Variants in ATP2B4 observed in about 807,000 individuals in gnomAD.
ATP2B4 encodes ATPase plasma membrane Ca2+ transporting 4, also known as plasma membrane calcium-transporting ATPase 4.
In ATP2B4, 39 loss-of-function variants were observed where a neutral mutation model predicts 110.3. The ratio of observed to expected loss-of-function variants is 0.35; its 90% CI spans 0.27 to 0.46. The LOEUF is 0.46. ATP2B4 is among the 20% of genes least tolerant of loss of function. ATP2B4 has a pLI of 1.00. For missense variants in ATP2B4, 1,135 were observed against 1,530.9 expected (o/e 0.74, Z 4.32); for synonymous variants, 538 against 571.7 (o/e 0.94, Z 0.84).
rs571641772 is a variant in ATP2B4 at position 203,675,000 on chromosome 1, C to T, written c.-464-7742C>T. Among the ~76,000 whole-genome samples, 30 of 152,302 alleles carry T rather than the reference C, an allele frequency of 2.0e-4. No individual in the cohort carries two copies. The East Asian group carries it at 4.2e-3, about 22-fold the overall frequency. ...CTGGGATTACAGGCATGAGCCACTG[C>T]GCCTGGCCTCATCTTAATAATACTG... On this transcript the variant is annotated intron_variant, in intron 1 of 20. Transcript: ENST00000357681.
At chr1:203,657,444 A>G (rs1664195615) in intron 1 of ATP2B4, 5 of 783,744 alleles carry the variant, frequency 6.4e-6, no homozygotes. Flanking sequence ...ATTGGAAAGT[A>G]CTTTGGCTCG....
chr1:203,690,706 T>A (rs1172608493), intron 2 of ATP2B4, among the ~76,000 whole-genome samples: 1 of 152,174 alleles, frequency 6.6e-6, no homozygotes, highest in East Asian at 1.9e-4. Context: ...GTAGCCATCA[T>A]CTCTTGCCCC....
At chr1:203,652,578 G>A (rs1378123189) in intron 1 of ATP2B4, among the ~76,000 whole-genome samples, 9 of 152,084 alleles carry the variant, frequency 5.9e-5, no homozygotes, top group Admixed American at 5.9e-4. Context: ...ACCCTGTGTT[G>A]AGCAAGTCTG....
intron 19 of ATP2B4, among the ~76,000 whole-genome samples, chr1:203,724,546 G>T (rs1666446172): frequency 6.6e-6 from 1 of 151,616 alleles, no homozygotes; most frequent in South Asian, 2.1e-4. Context: ...AAATCCCTTA[G>T]CTTCTCTGAG....
At chr1:203,680,433 C>A (rs1472404810) in intron 1 of ATP2B4, among the ~76,000 whole-genome samples, 1 of 152,028 alleles carries the variant, frequency 6.6e-6, no homozygotes, top group Non-Finnish European at 1.5e-5. Context: ...CACGGTGAAA[C>A]CCCGTCTCCA....
At chr1:203,643,114 C>T (rs1663682072) in intron 1 of ATP2B4, among the ~76,000 whole-genome samples, 1 of 152,194 alleles carries the variant, frequency 6.6e-6, no homozygotes, top group African/African-American at 2.4e-5. Flanking sequence ...CATCAAAGGG[C>T]ATGCAGGGGC....
chr1:203,738,220 C>T (rs961564604), intron 20 of ATP2B4, among the ~76,000 whole-genome samples: 4 of 151,940 alleles, frequency 2.6e-5, no homozygotes, highest in East Asian at 3.9e-4. Flanking sequence ...CAACTAGAAC[C>T]GTCCTACAAC....
At position 203,640,698 on chromosome 1, in the gene ATP2B4, G is replaced by A. The variant is rs115220607; in HGVS notation, c.-465+13479G>A. Among the ~76,000 whole-genome samples, 634 of 152,298 alleles carry A rather than the reference G, an allele frequency of 4.2e-3. 2 individuals carry two copies. Among genetic ancestry groups the A allele is most frequent in the Non-Finnish European group, 6.7e-3 (456 of 68,020 alleles). On this transcript the variant is annotated intron_variant, in intron 1 of 20. Coordinates refer to ENST00000357681, the MANE Select transcript of ATP2B4 (RefSeq NM_001684.5). ...CTAACATTTATTATTTATGTGATAG[G>A]TATTAAACTTGAATCATCTCATTTA...
intron 1 of ATP2B4, among the ~76,000 whole-genome samples, chr1:203,635,701 A>G (rs1164788801): frequency 1.3e-5 from 2 of 152,052 alleles, no homozygotes; most frequent in African/African-American, 4.8e-5. Context: ...TTATTGTGCT[A>G]TTTTTTTCAA....
chr1:203,674,483 A>AT (rs34888124), intron 1 of ATP2B4, among the ~76,000 whole-genome samples: 60,248 of 150,994 alleles, frequency 0.4, 13,810 homozygotes, highest in Non-Finnish European at 0.52. Flanking sequence ...CATCTTGATA[A>AT]TTTTTTTTGA....
At chr1:203,659,735 C>T (rs539450261) in intron 1 of ATP2B4, among the ~76,000 whole-genome samples, 4 of 152,128 alleles carry the variant, frequency 2.6e-5, no homozygotes, top group South Asian at 2.1e-4. Context: ...GAGGCTGAAG[C>T]GGGAAGATTG....
chr1:203,683,308 C>T lies in ATP2B4; in HGVS notation c.103C>T (p.Leu35=). The T allele has an allele frequency of 1.9e-6, 3 of 1,614,188 alleles. No homozygotes were observed. Among genetic ancestry groups the T allele is most frequent in the Non-Finnish European group, 1.7e-6 (2 of 1,180,042 alleles). ...AATGGAACTGAGGAAGCTCATGGAG[C>T]TGCGTTCAAGGGATGCACTGACCCA... is the stretch of plus-strand genomic sequence containing the variant. ...TVMELRKLME[L]RSRDALTQIN... Residue 35 remains leucine, a synonymous_variant, in exon 2 of 21, where the codon CTG becomes TTG. Coordinates refer to ENST00000357681, the MANE Select transcript of ATP2B4 (RefSeq NM_001684.5).
chr1:203,707,909 G>A lies in ATP2B4; in HGVS notation c.1362G>A (p.Glu454=). 1.2e-6 allele frequency: 2 copies of A among 1,614,146 alleles called. No homozygotes were observed. Among genetic ancestry groups the A allele is most frequent in the South Asian group, 2.2e-5 (2 of 91,072 alleles). Residue 454 remains glutamate, a synonymous_variant, in exon 10 of 21, where the codon GAG becomes GAA. Transcript: ENST00000357681. The part of the protein sequence containing the change: ...NNLVRHLDAC[E]TMGNATAICS... ...TAGTACGGCACTTGGATGCTTGTGA[G>A]ACCATGGGCAACGCCACCGCCATCT... is the stretch of plus-strand genomic sequence containing the variant.
In ATP2B4 at chr1:203,709,418, G is replaced by A; in HGVS notation, c.1675G>A (p.Glu559Lys). 2 of 1,614,212 alleles carry A rather than the reference G, an allele frequency of 1.2e-6. No individual in the cohort carries two copies. The highest frequency in any genetic ancestry group is 1.7e-6 in the Non-Finnish European group (2 of 1,180,032). ...TCAGGCTGTGCGTAATGAAGTGCCC[G>A]AGGAGAAGCTCTACAAGGTGTACAC... ...DYQAVRNEVP[E>K]EKLYKVYTFN... The change falls in exon 11 of 21, where the codon GAG (glutamate) becomes AAG (lysine). Residue 559 changes from glutamate (E) to lysine (K), a missense_variant. Physicochemically the swap from Glu to Lys is moderately conservative, Grantham distance 56 (BLOSUM62 1). Around this residue, in one of 9 missense-constraint regions of ATP2B4, gnomAD observed 368 missense variants for 455.9 expected, o/e 0.81. Coordinates refer to ENST00000357681, the MANE Select transcript of ATP2B4 (RefSeq NM_001684.5).
intron 3 of ATP2B4, 54 bp downstream of exon 3, chr1:203,698,408 A>G (rs6676272): frequency 0.25 from 390,846 of 1,565,602 alleles, 55,009 homozygotes; most frequent in East Asian, 0.59. Context: ...TTCCACCACC[A>G]CCACCAAGCG....
chr1:203,665,321 C>T (rs1007894042), intron 1 of ATP2B4, among the ~76,000 whole-genome samples: 2 of 152,220 alleles, frequency 1.3e-5, no homozygotes, highest in East Asian at 1.9e-4. Flanking sequence ...TAGTGGGAGG[C>T]CCACGCTGTG....
At position 203,714,241 on chromosome 1, in the gene ATP2B4, G is replaced by C; in HGVS notation, c.2370G>C (p.Gly790=). 2 of 1,614,206 alleles carry C rather than the reference G, an allele frequency of 1.2e-6. No individual in the cohort carries two copies. Among genetic ancestry groups the C allele is most frequent in the Non-Finnish European group, 1.7e-6 (2 of 1,180,040 alleles). The change falls in exon 15 of 21, where the codon GGG becomes GGC. Residue 790 remains glycine, a synonymous_variant. Transcript: ENST00000357681. ...TCACTGGTGATGGCACAAATGACGG[G>C]CCTGCTCTGAAGAAAGCGGATGTTG... is the stretch of plus-strand genomic sequence containing the variant. ...VAVTGDGTND[G]PALKKADVGF...
At chr1:203,676,142 G>A (rs1028258522) in intron 1 of ATP2B4, among the ~76,000 whole-genome samples, 16 of 152,202 alleles carry the variant, frequency 1.1e-4, no homozygotes, top group African/African-American at 3.9e-4. Context: ...ATGATGACAA[G>A]TGGTCCCACC....
At chr1:203,635,875 A>C (rs936092950) in intron 1 of ATP2B4, among the ~76,000 whole-genome samples, 1 of 152,204 alleles carries the variant, frequency 6.6e-6, no homozygotes, top group African/African-American at 2.4e-5. Context: ...TGGAGCACAC[A>C]GAGGGATCTT....
Sources: gnomAD v4.1 joint callset for allele counts (sites outside exome capture counted in the v4.1 genomes callset) on GRCh38, gnomAD v4.1.1 for gene constraint, gnomAD v4.1.1 regional missense constraint, MANE v1.5 for transcripts, NCBI Gene and HGNC (gene_info 2026-07-23, HGNC 2026-07-21) for gene names.